The following BCL2L11 variants were observed in gnomAD, a reference collection of about 807,000 sequenced individuals.
The protein encoded by BCL2L11 is BCL2 like 11, also known as bcl-2-like protein 11.
A neutral mutation model predicts 20.6 loss-of-function variants in BCL2L11; 15 were observed. The observed-to-expected ratio is 0.73, with a 90% CI of 0.49 to 1.12. BCL2L11 has a LOEUF of 1.12. Among genes scored for constraint, BCL2L11 ranks in the 50% most tolerant of loss-of-function variants. The pLI, the probability that BCL2L11 is intolerant of heterozygous loss-of-function variation, is 0.00. For synonymous variants in BCL2L11, 108 were observed against 92.8 expected (o/e 1.16, Z -0.94); for missense variants, 292 against 260.9 (o/e 1.12, Z -0.82).
At chr2:111,153,773 T>C (rs2077509137) in intron 3 of BCL2L11, 1 of 1,552,148 alleles carries the variant, frequency 6.4e-7, no homozygotes, top group Non-Finnish European at 8.7e-7. Context: ...TTTTCCCGTT[T>C]TTCCAGTTAG....
rs1311194182 is a variant in BCL2L11, at chr2:111,167,110, T to G, written c.*2879T>G. ...AAATATTGTATATTTATTTTCTGCT[T>G]ATTTAATGTCTTAATTTCTGAAAAG... is the stretch of plus-strand genomic sequence containing the variant. On this transcript the variant is annotated 3_prime_UTR_variant, in exon 4 of 4. Transcript: ENST00000393256. 1 of 152,678 alleles carries G rather than the reference T, an allele frequency of 6.5e-6. No homozygotes were observed. The highest frequency in any genetic ancestry group is 2.4e-5 in the African/African-American group (1 of 41,470). 9.5% of individuals were successfully genotyped at this position (152,678 alleles called of 1,614,324 possible). A position where few individuals can be genotyped will look rare whatever the true frequency, so the allele number is the denominator to read the frequency against.
intron 2 of BCL2L11, chr2:111,132,376 C>G (rs1034135919): frequency 3.9e-5 from 6 of 152,162 alleles, no homozygotes; most frequent in African/African-American, 1.4e-4. Context: ...GGAAGTAATT[C>G]AGGATGCAGT....
At chr2:111,144,464 C>G (rs115636317) in intron 2 of BCL2L11, 1 of 1,550,442 alleles carries the variant, frequency 6.4e-7, no homozygotes, top group Non-Finnish European at 8.7e-7. Context: ...ACGCTGATGG[C>G]AGTTGCTCTC....
At chr2:111,148,823 G>A (rs569076916) in intron 2 of BCL2L11, among the ~76,000 whole-genome samples, 1 of 152,318 alleles carries the variant, frequency 6.6e-6, no homozygotes, top group South Asian at 2.1e-4. Flanking sequence ...TATAAGATGA[G>A]GCAAGAGATT....
intron 3 of BCL2L11, among the ~76,000 whole-genome samples, chr2:111,154,850 A>G (rs1413239176): frequency 1.3e-5 from 2 of 152,240 alleles, no homozygotes; most frequent in Admixed American, 6.5e-5. Context: ...AATGGGCTGC[A>G]ATGCGTTACT....
chr2:111,139,648 C>G (rs1286616940), intron 2 of BCL2L11, among the ~76,000 whole-genome samples: 2 of 152,170 alleles, frequency 1.3e-5, no homozygotes, highest in African/African-American at 2.4e-5. Context: ...TTCTTGGTAA[C>G]CTTTTTTCAC....
rs760779894 is a variant in BCL2L11, at chr2:111,147,346, T to TCTCTCTCTCA, written c.395-2697_395-2696insTCTCTCTCAC. 1.6e-3 allele frequency among the ~76,000 whole-genome samples: 219 copies of TCTCTCTCTCA among 137,396 alleles called. 1 individual carries two copies. Among genetic ancestry groups the TCTCTCTCTCA allele is most frequent in the Middle Eastern group, 3.7e-3 (1 of 270 alleles). The allele number at this position is 137,396 out of a possible 152,430, so 90.1% of individuals were successfully genotyped here. A position where few individuals can be genotyped will look rare whatever the true frequency, so the allele number is the denominator to read the frequency against. On this transcript the variant is annotated intron_variant, in intron 2 of 3. Transcript: ENST00000393256. Reference sequence around the variant, plus strand: ...TCCTGTATCTCTCTCTCTCTCTCTCTCACACACACACACACACACACACAC... The same window carrying TCTCTCTCTCA: ...TCCTGTATCTCTCTCTCTCTCTCTCTCTCTCTCTCACACACACACACACACACACACACAC...
intron 2 of BCL2L11, among the ~76,000 whole-genome samples, chr2:111,135,013 C>T (rs1431737467): frequency 1.3e-5 from 2 of 152,188 alleles, no homozygotes; most frequent in Admixed American, 1.3e-4. Context: ...GGGGTGCACT[C>T]AGCATCTTGA....
intron 2 of BCL2L11, among the ~76,000 whole-genome samples, chr2:111,138,019 T>C (rs1006024568): frequency 6.6e-6 from 1 of 150,488 alleles, no homozygotes; most frequent in African/African-American, 2.4e-5. Context: ...TTTCTTTTTT[T>C]TTTTTTTTTG....
chr2:111,155,360 A>G (rs2077698550), intron 3 of BCL2L11, among the ~76,000 whole-genome samples: 1 of 152,156 alleles, frequency 6.6e-6, no homozygotes, highest in Non-Finnish European at 1.5e-5. Context: ...GTGTGAGCGC[A>G]TGTACCGGTT....
chr2:111,147,485 A>G (rs771106672), intron 2 of BCL2L11, among the ~76,000 whole-genome samples: 1 of 152,174 alleles, frequency 6.6e-6, no homozygotes, highest in Non-Finnish European at 1.5e-5. Context: ...TTCTTTTTGT[A>G]CAAGAAACAG....
At chr2:111,145,810 G>A (rs879083241) in intron 2 of BCL2L11, 4 of 206,370 alleles carry the variant, frequency 1.9e-5, no homozygotes, top group African/African-American at 4.7e-5. Context: ...AGTAAGTTCC[G>A]GGCTTCAAAA....
chr2:111,156,020 CCTT>C (rs1312323494), intron 3 of BCL2L11, among the ~76,000 whole-genome samples: 3 of 152,144 alleles, frequency 2.0e-5, no homozygotes, highest in Non-Finnish European at 2.9e-5. Flanking sequence ...TATATGCTCT[CCTT>C]CTTGAGAAGT....
intron 2 of BCL2L11, among the ~76,000 whole-genome samples, chr2:111,148,878 GTT>G (rs745691309): frequency 6.6e-6 from 1 of 152,196 alleles, no homozygotes; most frequent in Non-Finnish European, 1.5e-5. Context: ...ACTTTTAAGT[GTT>G]TTTATAGAGC....
intron 1 of BCL2L11, among the ~76,000 whole-genome samples, chr2:111,122,146 G>C (rs544471500): frequency 5.1e-4 from 77 of 152,348 alleles, no homozygotes; most frequent in African/African-American, 1.8e-3. Context: ...CACCAGGAGA[G>C]AGAGGAAGTT....
chr2:111,123,040 C>T (rs1012927112), intron 1 of BCL2L11: 7 of 977,442 alleles, frequency 7.2e-6, no homozygotes, highest in South Asian at 4.7e-5. Context: ...GCGTTCGCTT[C>T]GTCGCCCTCC....
intron 3 of BCL2L11, among the ~76,000 whole-genome samples, chr2:111,152,537 A>G (rs1255038594): frequency 6.6e-6 from 1 of 152,222 alleles, no homozygotes; most frequent in Admixed American, 6.5e-5. Flanking sequence ...ATGCACCTCC[A>G]TGGCTGCCAT....
Position 111,124,253 on chromosome 2 carries a change from T to G in BCL2L11, c.394+114T>G, listed in dbSNP as rs1373140426. The G allele has an allele frequency of 8.6e-6, 11 of 1,283,556 alleles. No homozygotes were observed. In the South Asian group the frequency reaches 9.5e-5, roughly 11 times the overall value. 79.5% of individuals were successfully genotyped at this position (1,283,556 alleles called of 1,614,324 possible). A position where few individuals can be genotyped will look rare whatever the true frequency, so the allele number is the denominator to read the frequency against. On this transcript the variant is annotated intron_variant, in intron 2 of 3. Transcript: ENST00000393256. Reference sequence around the variant, plus strand: ...AACCCCGTAACTGATTTATTCCATCTTTAGATGGGAATGGAGGATGTGTCA... The same window carrying G: ...AACCCCGTAACTGATTTATTCCATCGTTAGATGGGAATGGAGGATGTGTCA...
rs563433275 is a variant in BCL2L11 at position 111,128,181 on chromosome 2, G to T, written c.394+4042G>T. 5.3e-5 allele frequency among the ~76,000 whole-genome samples: 8 copies of T among 152,118 alleles called. No individual in the cohort carries two copies. In the East Asian group the frequency reaches 1.2e-3, roughly 22 times the overall value. ...ACAACTTCAGATACCTTATATAAGT[G>T]AAATTTATATAGTATTTGCTCTTCC... is the stretch of plus-strand genomic sequence containing the variant. On this transcript the variant is annotated intron_variant, in intron 2 of 3. Transcript: ENST00000393256.
Sources: allele counts gnomAD v4.1 joint callset (sites outside exome capture counted in the v4.1 genomes callset), GRCh38; gene constraint gnomAD v4.1.1; transcripts MANE v1.5; gene names NCBI Gene and HGNC (gene_info 2026-07-23, HGNC 2026-07-21).